KMT2A: variants seen among roughly 807,000 people sequenced by gnomAD.
KMT2A encodes histone-lysine N-methyltransferase 2A.
KMT2A carries 16 observed loss-of-function variants against 345.3 expected under a neutral mutation model. That is an observed-to-expected ratio of 0.05 (90% CI 0.03 to 0.07). KMT2A has a LOEUF of 0.07. Ranked by LOEUF, KMT2A falls within the 10% of genes least tolerant of loss-of-function variation. The pLI, the probability that KMT2A is intolerant of heterozygous loss-of-function variation, is 1.00. For missense variants in KMT2A, 3,272 were observed against 4,841.6 expected (o/e 0.68, Z 9.62); for synonymous variants, 1,599 against 1,778.6 (o/e 0.90, Z 2.54).
chr11:118,452,867 C>T lies in KMT2A; in HGVS notation c.433-15908C>T, dbSNP rs546768408. Among the ~76,000 whole-genome samples, 25 of 151,840 alleles carry T rather than the reference C, an allele frequency of 1.6e-4. No homozygotes were observed. The East Asian group carries it at 4.5e-3, about 27-fold the overall frequency. On this transcript the variant is annotated intron_variant, in intron 1 of 35. Coordinates refer to ENST00000534358, the MANE Select transcript of KMT2A (RefSeq NM_001197104.2). The stretch of plus-strand genomic sequence containing the variant: ...CAGGCTGGTCTCGAACTCCTGACCT[C>T]GTGATCTGCCCACCTCGGCCTCCCA...
Position 118,520,926 on chromosome 11 carries a change from C to T in KMT2A, c.11513+41C>T, listed in dbSNP as rs1443573063. On this transcript the variant is annotated intron_variant, in intron 34 of 35. Coordinates refer to ENST00000534358, the MANE Select transcript of KMT2A (RefSeq NM_001197104.2). This position sits in a 1 kb window ranked among gnomAD's most constrained non-coding sequence, Gnocchi z 4.3. ...TAGAAAGAATTACAGAAAACGAATG[C>T]AGTTTTTCAAAATCAAAGCAGACCA... The T allele has an allele frequency of 1.3e-6, 2 of 1,493,326 alleles. No individual in the cohort carries two copies. The highest frequency in any genetic ancestry group is 1.9e-6 in the Non-Finnish European group (2 of 1,070,698). The allele number at this position is 1,493,326 out of a possible 1,614,324, so 92.5% of individuals were successfully genotyped here.
chr11:118,515,740 G>A (rs1950798770), intron 31 of KMT2A, among the ~76,000 whole-genome samples: 1 of 136,604 alleles, frequency 7.3e-6, no homozygotes, highest in African/African-American at 2.8e-5. Flanking sequence ...AGGCTGGAGT[G>A]TGTAGTGGTG....
rs2134340282 is a variant in KMT2A at position 118,491,653 on chromosome 11, G to T, written c.4820-91G>T. 1 of 998,220 alleles carries T rather than the reference G, an allele frequency of 1.0e-6. No homozygotes were observed. The highest frequency in any genetic ancestry group is 2.4e-5 in the East Asian group (1 of 41,312). The allele number at this position is 998,220 out of a possible 1,614,324, so 61.8% of individuals were successfully genotyped here. On this transcript the variant is annotated intron_variant, in intron 14 of 35. Transcript: ENST00000534358. This position sits in a 1 kb window ranked among gnomAD's most constrained non-coding sequence, Gnocchi z 4.2. ...ATCTTAATGTGGTTCCCAACATATG[G>T]CTTTATAGTAAGTTCAGTGGAATAG...
At chr11:118,489,231 CAAA>C (rs11412289) in intron 11 of KMT2A, among the ~76,000 whole-genome samples, 2 of 90,634 alleles carry the variant, frequency 2.2e-5, no homozygotes, top group Non-Finnish European at 2.0e-5. Context: ...GACTCCATCT[CAAA>C]AAAAAAAAAA....
rs782754391 is a variant in KMT2A, at chr11:118,471,925, A to C, written c.766A>C (p.Ile256Leu). 1.9e-6 allele frequency: 3 copies of C among 1,614,004 alleles called. No homozygotes were observed. Among genetic ancestry groups the C allele is most frequent in the Admixed American group, 3.3e-5 (2 of 59,990 alleles). Residue 256 changes from isoleucine to leucine, a missense_variant, in exon 3 of 36, where the codon ATT (isoleucine) becomes CTT (leucine). Ile to Leu is a conservative substitution (Grantham distance 5). This residue lies in a region of KMT2A where 412 missense variants were observed against 511.0 expected (regional missense o/e 0.81). Transcript: ENST00000534358. ...KGNKEDSLKKIKRTPSATFQQ... is the reference protein window; with the variant it reads ...KGNKEDSLKKLKRTPSATFQQ... ...AAACAAAGAAGATAGCCTGAAAAAA[A>C]TTAAAAGGACACCTTCTGCTACGTT...
Position 118,473,847 on chromosome 11 carries a change from A to G in KMT2A, c.2688A>G (p.Gly896=). The stretch of plus-strand genomic sequence containing the variant: ...CAAGGAAAGAGAAAAGGAAAAAGGG[A>G]TCAGAAATTCAGAGTAGTTCTGCTT... The part of the protein sequence containing the change: ...RESRKEKRKK[G]SEIQSSSALY... Residue 896 remains glycine (G), a synonymous_variant, in exon 3 of 36, where the codon GGA becomes GGG. Transcript: ENST00000534358. This position sits in a 1 kb window ranked among gnomAD's most constrained non-coding sequence, Gnocchi z 5.2. 1 of 1,614,224 alleles carries G rather than the reference A, an allele frequency of 6.2e-7. No individual in the cohort carries two copies. The highest frequency in any genetic ancestry group is 8.5e-7 in the Non-Finnish European group (1 of 1,180,046).
rs1555138787 is a variant in KMT2A, at chr11:118,436,880, G to A, written c.368G>A (p.Gly123Asp). The A allele has an allele frequency of 6.3e-7, 1 of 1,591,564 alleles. No homozygotes were observed. ...GCGCTGCAGGTCTCGGCCGCCATCG[G>A]CACCAACCTGCGCCGGTTCCGGGCC... ...DAALQVSAAIGTNLRRFRAVF... is the reference protein window; with the variant it reads ...DAALQVSAAIDTNLRRFRAVF... Residue 123 changes from glycine (G) to aspartate (D), a missense_variant, in exon 1 of 36, where the codon GGC becomes GAC. Around this residue, in one of 27 missense-constraint regions of KMT2A, gnomAD observed 412 missense variants for 511.0 expected, o/e 0.81. Coordinates refer to ENST00000534358, the MANE Select transcript of KMT2A (RefSeq NM_001197104.2). The surrounding 1 kb of genome is among the most constrained non-coding windows in gnomAD (Gnocchi z 6.9).
intron 1 of KMT2A, among the ~76,000 whole-genome samples, chr11:118,468,143 T>A (rs1041718049): frequency 7.9e-5 from 12 of 152,200 alleles, no homozygotes; most frequent in Non-Finnish European, 1.3e-4. Context: ...AGTCAATTCA[T>A]GATCCCTTTC....
In KMT2A at chr11:118,525,966, T is replaced by C; in HGVS notation, c.*3794T>C. 1 of 221,748 alleles carries C rather than the reference T, an allele frequency of 4.5e-6. No homozygotes were observed. The highest frequency in any genetic ancestry group is 6.6e-5 in the East Asian group (1 of 15,188). The allele number at this position is 221,748 out of a possible 1,614,324, so 13.7% of individuals were successfully genotyped here. On this transcript the variant is annotated 3_prime_UTR_variant, in exon 36 of 36. Coordinates refer to ENST00000534358, the MANE Select transcript of KMT2A (RefSeq NM_001197104.2). ...CTTGCAACTTTTTGTTTGTTTTGGT[T>C]TTCAAATAAATATAAATATGATATA... is the stretch of plus-strand genomic sequence containing the variant.
chr11:118,437,284 T>TCCTC (rs1308901332), intron 1 of KMT2A, among the ~76,000 whole-genome samples: 47 of 150,228 alleles, frequency 3.1e-4, no homozygotes, highest in Middle Eastern at 3.5e-3. Context: ...CGAGCAAGAT[T>TCCTC]CCTCCCTCCC....
chr11:118,458,219 G>A (rs1555031460), intron 1 of KMT2A: 2 of 337,946 alleles, frequency 5.9e-6, no homozygotes, highest in Admixed American at 3.9e-5. Flanking sequence ...AAGTAGCTGG[G>A]ACTACAGGCA....
At chr11:118,481,045 T>C (rs1178798844) in intron 6 of KMT2A, among the ~76,000 whole-genome samples, 2 of 152,142 alleles carry the variant, frequency 1.3e-5, no homozygotes, top group Non-Finnish European at 1.5e-5. Flanking sequence ...CACATCAGGG[T>C]ACATGGGATG....
chr11:118,521,440 C>T lies in KMT2A; in HGVS notation c.11643+23C>T. On this transcript the variant is annotated intron_variant, in intron 35 of 35. Transcript: ENST00000534358. This position sits in a 1 kb window ranked among gnomAD's most constrained non-coding sequence, Gnocchi z 5.3. ...AAGGTAAGTCTCCCACTTGCACTCA[C>T]ACAGTTCTTTTGTTTTGCTGTAGAA... 6.2e-7 allele frequency: 1 copy of T among 1,612,814 alleles called. No individual in the cohort carries two copies. Among genetic ancestry groups the T allele is most frequent in the Non-Finnish European group, 8.5e-7 (1 of 1,178,964 alleles).
At chr11:118,482,296 C>T in intron 7 of KMT2A, 126 bp from the exon 8 acceptor site, 1 of 919,168 alleles carries the variant, frequency 1.1e-6, no homozygotes. Context: ...GTTTTAATTT[C>T]CTGTTCGAAG....
chr11:118,515,757 T>A (rs1950799448), intron 31 of KMT2A, among the ~76,000 whole-genome samples: 1 of 150,310 alleles, frequency 6.7e-6, no homozygotes. Flanking sequence ...GGTGCAATCT[T>A]GGCTCACTGC....
chr11:118,521,292 C>T lies in KMT2A; in HGVS notation c.11518C>T (p.Pro3840Ser), dbSNP rs1555053474. 2 of 1,613,928 alleles carry T rather than the reference C, an allele frequency of 1.2e-6. No individual in the cohort carries two copies. Among genetic ancestry groups the T allele is most frequent in the South Asian group, 1.1e-5 (1 of 91,046 alleles). Residue 3840 changes from proline (P) to serine (S), a missense_variant, in exon 35 of 36, where the codon CCC becomes TCC. By Grantham distance (74) the Pro-to-Ser change is moderately conservative. Around this residue, in one of 27 missense-constraint regions of KMT2A, gnomAD observed 78 missense variants for 254.5 expected, o/e 0.31. Transcript: ENST00000534358. This position sits in a 1 kb window ranked among gnomAD's most constrained non-coding sequence, Gnocchi z 5.3. ...SKEAVGVYRS[P>S]IHGRGLFCKR... ...TCTTTTCCATCTTTGTCCTAGGTCT[C>T]CCATCCATGGCCGGGGTCTTTTCTG...
In KMT2A at chr11:118,507,625, C is replaced by T. The variant is rs1026330759; in HGVS notation, c.10835+16C>T. 2 of 1,604,456 alleles carry T rather than the reference C, an allele frequency of 1.2e-6. No homozygotes were observed. Among genetic ancestry groups the T allele is most frequent in the Non-Finnish European group, 1.7e-6 (2 of 1,171,294 alleles). On this transcript the variant is annotated intron_variant, in intron 28 of 35. Transcript: ENST00000534358. ...AACCTGCAGGGTAAGCTGAAGAATT[C>T]GTCTTTTAAGACTAAGCTCTCAGTT... is the stretch of plus-strand genomic sequence containing the variant.
At position 118,501,115 on chromosome 11, in the gene KMT2A, G is replaced by A; in HGVS notation, c.6287G>A (p.Arg2096Lys). 6.2e-7 allele frequency: 1 copy of A among 1,614,038 alleles called. No homozygotes were observed. Among genetic ancestry groups the A allele is most frequent in the Non-Finnish European group, 8.5e-7 (1 of 1,179,972 alleles). ...INSTVEHDEN[R>K]TIAHSPTSFT... ...AGCACTGTTGAACATGATGAAAACA[G>A]GACCATTGCCCATAGTCCAACATCT... is the stretch of plus-strand genomic sequence containing the variant. Residue 2096 changes from arginine to lysine, a missense_variant, in exon 25 of 36, where the codon AGG becomes AAG. By Grantham distance (26) the Arg-to-Lys change is conservative (BLOSUM62 2). Transcript: ENST00000534358.
chr11:118,500,036 A>C, intron 24 of KMT2A, 123 bp downstream of exon 24: 1 of 629,112 alleles, frequency 1.6e-6, no homozygotes, highest in Non-Finnish European at 2.8e-6. Flanking sequence ...AAAATTAATC[A>C]CTTATTTTGC....
Sources: gnomAD v4.1 joint callset for allele counts (sites outside exome capture counted in the v4.1 genomes callset) on GRCh38, gnomAD v4.1.1 for gene constraint, gnomAD v4.1.1 regional missense constraint, Gnocchi (gnomAD v3.1) non-coding constraint, MANE v1.5 for transcripts, NCBI Gene and HGNC (gene_info 2026-07-23, HGNC 2026-07-21) for gene names.